The following RXFP2 variants were observed in gnomAD, a reference collection of about 807,000 sequenced individuals.
RXFP2 encodes relaxin receptor 2.
In RXFP2, 68 loss-of-function variants were observed where a neutral mutation model predicts 88.6. The ratio of observed to expected loss-of-function variants is 0.77; its 90% confidence interval spans 0.63 to 0.94. The LOEUF is 0.94. RXFP2 is among the 40% of genes least tolerant of loss of function. The pLI is 0.00. For missense variants in RXFP2, 791 were observed against 893.9 expected (o/e 0.88, Z 1.47); for synonymous variants, 329 against 306.8 (o/e 1.07, Z -0.76).
intron 13 of RXFP2, among the ~76,000 whole-genome samples, chr13:31,788,801 G>A (rs1566234042): frequency 6.6e-6 from 1 of 151,988 alleles, no homozygotes; most frequent in African/African-American, 2.4e-5. Context: ...AATTCCTATG[G>A]CATTACTTAT....
At position 31,792,011 on chromosome 13, in the gene RXFP2, G is replaced by T; in HGVS notation, c.1351G>T (p.Ala451Ser). The change falls in exon 15 of 18, where the codon GCT becomes TCT. Residue 451 changes from alanine to serine, a missense_variant. Transcript: ENST00000298386. ...SFIKAENTTH[A>S]MSIKILCCAD... Reference sequence around the variant, plus strand: ...CATTAAAGCTGAAAATACAACTCACGCTATGTCCATCAAAATCCTTTGTTG... The same window carrying T: ...CATTAAAGCTGAAAATACAACTCACTCTATGTCCATCAAAATCCTTTGTTG... The T allele has an allele frequency of 1.9e-6, 3 of 1,612,960 alleles. No individual in the cohort carries two copies. The highest frequency in any genetic ancestry group is 1.7e-6 in the Non-Finnish European group (2 of 1,178,964).
Position 31,792,013 on chromosome 13 carries a change from T to C in RXFP2, c.1353T>C (p.Ala451=), listed in dbSNP as rs1281506819. ...SFIKAENTTH[A]MSIKILCCAD... ...TTAAAGCTGAAAATACAACTCACGC[T>C]ATGTCCATCAAAATCCTTTGTTGTA... Residue 451 remains alanine, a synonymous_variant, in exon 15 of 18, where the codon GCT becomes GCC. Coordinates refer to ENST00000298386, the MANE Select transcript of RXFP2 (RefSeq NM_130806.5). 5 of 1,612,908 alleles carry C rather than the reference T, an allele frequency of 3.1e-6. No homozygotes were observed. Among genetic ancestry groups the C allele is most frequent in the Non-Finnish European group, 4.2e-6 (5 of 1,178,862 alleles).
chr13:31,803,307 G>T lies in RXFP2; in HGVS notation c.*902G>T, dbSNP rs1874440378. On this transcript the variant is annotated 3_prime_UTR_variant, in exon 18 of 18. Coordinates refer to ENST00000298386, the MANE Select transcript of RXFP2 (RefSeq NM_130806.5). Reference sequence around the variant, plus strand: ...TTGTTTTTAACAAAAAAGCAATGAAGTTTGGGGTGGTTTTTTGAAAACGAA... The same window carrying T: ...TTGTTTTTAACAAAAAAGCAATGAATTTTGGGGTGGTTTTTTGAAAACGAA... 6.6e-6 allele frequency: 1 copy of T among 152,140 alleles called. No individual in the cohort carries two copies. Among genetic ancestry groups the T allele is most frequent in the South Asian group, 2.1e-4 (1 of 4,828 alleles). The allele number at this position is 152,140 out of a possible 1,614,324, so 9.4% of individuals were successfully genotyped here. A position where few individuals can be genotyped will look rare whatever the true frequency, so the allele number is the denominator to read the frequency against.
rs1874400739 is a variant in RXFP2 at position 31,802,491 on chromosome 13, CT to C, written c.*89del. 4.2e-6 allele frequency: 6 copies of C among 1,413,736 alleles called. No individual in the cohort carries two copies. Among genetic ancestry groups the C allele is most frequent in the Non-Finnish European group, 6.0e-6 (6 of 1,008,026 alleles). 87.6% of individuals were successfully genotyped at this position (1,413,736 alleles called of 1,614,324 possible). A position where few individuals can be genotyped will look rare whatever the true frequency, so the allele number is the denominator to read the frequency against. The stretch of plus-strand genomic sequence containing the variant: ...AGATGACATCTGCAATGCTTTTCAT[CT>C]TTACCAACGGCAAGCCTTTCTGCAC... On this transcript the variant is annotated 3_prime_UTR_variant, in exon 18 of 18. Coordinates refer to ENST00000298386, the MANE Select transcript of RXFP2 (RefSeq NM_130806.5).
intron 1 of RXFP2, among the ~76,000 whole-genome samples, chr13:31,752,702 C>T (rs1318806303): frequency 2.0e-5 from 3 of 152,120 alleles, no homozygotes; most frequent in Non-Finnish European, 4.4e-5. Context: ...TGACTCTTCG[C>T]AGAAGTAGGG....
intron 16 of RXFP2, among the ~76,000 whole-genome samples, chr13:31,794,478 T>G (rs1205870400): frequency 6.6e-6 from 1 of 151,728 alleles, no homozygotes; most frequent in African/African-American, 2.4e-5. Context: ...TATACTATAT[T>G]AGGTACGGGA....
At chr13:31,777,475 T>C (rs376096417) in intron 8 of RXFP2, 28 bp downstream of exon 8, 1 of 1,468,518 alleles carries the variant, frequency 6.8e-7, no homozygotes, top group African/African-American at 1.4e-5. Flanking sequence ...TTTCAATACA[T>C]CTATCGATAC....
intron 2 of RXFP2, 86 bp downstream of exon 2, chr13:31,758,490 A>G: frequency 6.8e-7 from 1 of 1,474,970 alleles, no homozygotes; most frequent in Non-Finnish European, 9.4e-7. Flanking sequence ...ATTGTGATAA[A>G]CTAGGAAAGC....
intron 17 of RXFP2, among the ~76,000 whole-genome samples, chr13:31,798,471 G>A (rs1874162973): frequency 1.3e-5 from 2 of 152,186 alleles, no homozygotes; most frequent in Admixed American, 1.3e-4. Flanking sequence ...TTTTGTGGGA[G>A]GTCATGTGGG....
At chr13:31,754,397 G>C (rs1214653682) in intron 1 of RXFP2, among the ~76,000 whole-genome samples, 1 of 152,152 alleles carries the variant, frequency 6.6e-6, no homozygotes, top group East Asian at 1.9e-4. Flanking sequence ...CGGGCGTGGT[G>C]GCGTGTGTCT....
rs1474097544 is a variant in RXFP2 at position 31,761,717 on chromosome 13, T to C, written c.242-7T>C. 4 of 1,599,224 alleles carry C rather than the reference T, an allele frequency of 2.5e-6. No homozygotes were observed. The East Asian group carries it at 6.7e-5, about 27-fold the overall frequency. On this transcript the variant is annotated splice_region_variant and splice_polypyrimidine_tract_variant and intron_variant, in intron 2 of 17. Transcript: ENST00000298386. ...ATAAGTGACACATCTCAATCACTAT[T>C]TCACAGGTGACACTAGTGGATGGGC...
At chr13:31,789,264 A>C in intron 14 of RXFP2, 71 bp downstream of exon 14, 1 of 951,488 alleles carries the variant, frequency 1.1e-6, no homozygotes, top group Non-Finnish European at 1.7e-6. Context: ...AAACTGTCTA[A>C]TGTATCACTG....
intron 5 of RXFP2, among the ~76,000 whole-genome samples, chr13:31,766,325 CAT>C (rs1350426836): frequency 2.0e-5 from 3 of 151,600 alleles, no homozygotes; most frequent in Non-Finnish European, 4.4e-5. Flanking sequence ...GGGAAAATGA[CAT>C]TGCAGATTCA....
At chr13:31,790,410 G>T (rs1385449799) in intron 14 of RXFP2, among the ~76,000 whole-genome samples, 2 of 152,188 alleles carry the variant, frequency 1.3e-5, no homozygotes, top group African/African-American at 4.8e-5. Context: ...TATAGTTCAG[G>T]TTCCTTTAAT....
Position 31,789,104 on chromosome 13 carries a change from A to G in RXFP2, c.1074-18A>G, listed in dbSNP as rs45505796. 27 of 1,517,674 alleles carry G rather than the reference A, an allele frequency of 1.8e-5. No homozygotes were observed. Among genetic ancestry groups the G allele is most frequent in the Non-Finnish European group, 2.4e-5 (26 of 1,094,150 alleles). 94.0% of individuals were successfully genotyped at this position (1,517,674 alleles called of 1,614,324 possible). On this transcript the variant is annotated intron_variant, in intron 13 of 17. Transcript: ENST00000298386. The stretch of plus-strand genomic sequence containing the variant: ...GTTTCATCTCAACACCATTAAACCT[A>G]TCGTGTGTATTTTCCAGAGACCTGG...
chr13:31,797,909 G>A (rs970347404), intron 17 of RXFP2, among the ~76,000 whole-genome samples: 1 of 152,084 alleles, frequency 6.6e-6, no homozygotes, highest in South Asian at 2.1e-4. Context: ...TCCTCCAAAA[G>A]GCCAAATTCC....
chr13:31,785,189 T>A (rs1873472830), intron 11 of RXFP2, among the ~76,000 whole-genome samples: 1 of 152,110 alleles, frequency 6.6e-6, no homozygotes, highest in Non-Finnish European at 1.5e-5. Flanking sequence ...TGTGCTCTTT[T>A]TATAAGCATC....
At chr13:31,797,761 T>C (rs987911862) in intron 17 of RXFP2, among the ~76,000 whole-genome samples, 41 of 152,280 alleles carry the variant, frequency 2.7e-4, no homozygotes, top group Non-Finnish European at 5.1e-4. Flanking sequence ...CTAAAACCTA[T>C]AGATGGATGT....
intron 17 of RXFP2, 115 bp downstream of exon 17, chr13:31,797,534 T>G: frequency 1.3e-6 from 1 of 782,304 alleles, no homozygotes; most frequent in Non-Finnish European, 2.2e-6. Flanking sequence ...CAATACAAAG[T>G]TATTTCCCTC....
Sources: gnomAD v4.1 joint callset for allele counts (sites outside exome capture counted in the v4.1 genomes callset) on GRCh38, gnomAD v4.1.1 for gene constraint, MANE v1.5 for transcripts, NCBI Gene and HGNC (gene_info 2026-07-23, HGNC 2026-07-21) for gene names.